The following CCDC60 variants were observed in gnomAD, a reference collection of about 807,000 sequenced individuals.
The protein encoded by CCDC60 is coiled-coil domain containing 60.
Under a neutral mutation model 63.5 loss-of-function variants are expected in CCDC60, and 54 were observed. That is an observed-to-expected ratio of 0.85 (90% CI 0.68 to 1.07). CCDC60 has a LOEUF of 1.07. Ranked by LOEUF, CCDC60 falls within the 50% of genes least tolerant of loss-of-function variation. The pLI, the probability that CCDC60 is intolerant of heterozygous loss-of-function variation, is 0.00. For missense variants in CCDC60, 651 were observed against 684.3 expected (o/e 0.95, Z 0.54); for synonymous variants, 206 against 238.8 (o/e 0.86, Z 1.27).
At chr12:119,483,544 G>A (rs1302806769) in intron 4 of CCDC60, among the ~76,000 whole-genome samples, 1 of 152,218 alleles carries the variant, frequency 6.6e-6, no homozygotes, top group Admixed American at 6.5e-5. Flanking sequence ...CAAGGGCAAT[G>A]CCTGCAACCT....
chr12:119,503,202 G>A (rs1044755674), intron 6 of CCDC60, among the ~76,000 whole-genome samples: 8 of 152,096 alleles, frequency 5.3e-5, no homozygotes, highest in Non-Finnish European at 1.2e-4. Flanking sequence ...AAAAAATTAC[G>A]TTGATCTGAA....
chr12:119,417,832 C>T (rs1280417645), intron 1 of CCDC60, among the ~76,000 whole-genome samples: 2 of 152,196 alleles, frequency 1.3e-5, no homozygotes, highest in Non-Finnish European at 2.9e-5. Flanking sequence ...CAACTTCATC[C>T]AAGCTCCCAC....
At chr12:119,407,765 G>A (rs898001814) in intron 1 of CCDC60, among the ~76,000 whole-genome samples, 1 of 152,100 alleles carries the variant, frequency 6.6e-6, no homozygotes, top group East Asian at 1.9e-4. Flanking sequence ...CCCATAAAAT[G>A]GGCACTCCAG....
At chr12:119,533,643 C>G (rs896242619) in intron 13 of CCDC60, among the ~76,000 whole-genome samples, 1 of 152,216 alleles carries the variant, frequency 6.6e-6, no homozygotes, top group Non-Finnish European at 1.5e-5. Context: ...ATAAGACTAG[C>G]CAGTTTTCCC....
intron 8 of CCDC60, among the ~76,000 whole-genome samples, chr12:119,519,327 G>A (rs2136483534): frequency 6.6e-6 from 1 of 151,952 alleles, no homozygotes. Flanking sequence ...TAGGATACTT[G>A]TGAAAAATAC....
chr12:119,430,173 TACACACAC>T (rs36071467), intron 2 of CCDC60, among the ~76,000 whole-genome samples: 1,584 of 149,804 alleles, frequency 0.011, 38 homozygotes, highest in African/African-American at 0.034. Flanking sequence ...CTGCCACACA[TACACACAC>T]ACACACACAC....
rs75504257 is a variant in CCDC60, at chr12:119,463,419, C to T, written c.171-8575C>T. Among the ~76,000 whole-genome samples the T allele has an allele frequency of 2.0e-5, 3 of 152,360 alleles. No homozygotes were observed. The East Asian group carries it at 5.8e-4, about 29-fold the overall frequency. ...ACAGCTGAGCTCTACAGTGAACTCA[C>T]CACTTGGGTTCAGACCTCAGCTCTG... On this transcript the variant is annotated intron_variant, in intron 2 of 13. Coordinates refer to ENST00000327554, the MANE Select transcript of CCDC60 (RefSeq NM_178499.5).
intron 4 of CCDC60, among the ~76,000 whole-genome samples, chr12:119,488,455 AG>A (rs1951508739): frequency 6.6e-6 from 1 of 152,130 alleles, no homozygotes; most frequent in South Asian, 2.1e-4. Context: ...ACAAATTCTC[AG>A]TAACTGGCAT....
At chr12:119,360,359 TCCCGGACGGGGCGGC>T (rs1955768701) in intron 1 of CCDC60, among the ~76,000 whole-genome samples, 3 of 84,614 alleles carry the variant, frequency 3.5e-5, no homozygotes, top group Non-Finnish European at 6.4e-5. Flanking sequence ...CCCACCTCCC[TCCCGGACGGGGCGGC>T]TGGCCGGGCG....
At chr12:119,427,098 G>A (rs1956915237) in intron 1 of CCDC60, among the ~76,000 whole-genome samples, 1 of 151,704 alleles carries the variant, frequency 6.6e-6, no homozygotes, top group Admixed American at 6.6e-5. Context: ...ATTTCACTTT[G>A]CTGTTTACTT....
chr12:119,537,763 T>C (rs1953046213), intron 13 of CCDC60, among the ~76,000 whole-genome samples: 1 of 152,186 alleles, frequency 6.6e-6, no homozygotes, highest in Non-Finnish European at 1.5e-5. Flanking sequence ...CAGCAAATAT[T>C]GCTGCTAGAT....
chr12:119,469,135 A>G (rs897251275), intron 2 of CCDC60, among the ~76,000 whole-genome samples: 4 of 152,164 alleles, frequency 2.6e-5, no homozygotes, highest in African/African-American at 9.7e-5. Flanking sequence ...TTCCACTCAG[A>G]GTCAACAATG....
intron 1 of CCDC60, among the ~76,000 whole-genome samples, chr12:119,346,319 T>C (rs12370130): frequency 0.15 from 22,973 of 152,032 alleles, 2,032 homozygotes; most frequent in South Asian, 0.35. Flanking sequence ...TTCAATCCAG[T>C]GTGGCAGGTG....
chr12:119,367,902 G>GT (rs34577765), intron 1 of CCDC60, among the ~76,000 whole-genome samples: 32,304 of 146,848 alleles, frequency 0.22, 4,269 homozygotes, highest in Middle Eastern at 0.35. Flanking sequence ...ATATAAAGGG[G>GT]TTTTTTTTTT....
chr12:119,511,431 C>G (rs1952212324), intron 7 of CCDC60, among the ~76,000 whole-genome samples: 1 of 152,156 alleles, frequency 6.6e-6, no homozygotes, highest in Admixed American at 6.5e-5. Context: ...AAACAAAAGC[C>G]CAGGCTACTC....
At chr12:119,513,300 C>T (rs1049318798) in intron 7 of CCDC60, among the ~76,000 whole-genome samples, 2 of 152,132 alleles carry the variant, frequency 1.3e-5, no homozygotes, top group Admixed American at 1.3e-4. Context: ...TCAGTGTGTG[C>T]GTTTCCTACA....
chr12:119,511,560 C>G (rs1296957305), intron 7 of CCDC60, among the ~76,000 whole-genome samples: 2 of 152,096 alleles, frequency 1.3e-5, no homozygotes, highest in East Asian at 3.9e-4. Context: ...CAGCCCCGTA[C>G]AACAAAAAGA....
At chr12:119,500,738 C>CA (rs1951832765) in intron 6 of CCDC60, among the ~76,000 whole-genome samples, 1 of 152,062 alleles carries the variant, frequency 6.6e-6, no homozygotes, top group Non-Finnish European at 1.5e-5. Flanking sequence ...CCTGTAGTCC[C>CA]AGGTATTAGG....
chr12:119,510,509 A>G (rs1376433820), intron 7 of CCDC60, among the ~76,000 whole-genome samples: 1 of 152,084 alleles, frequency 6.6e-6, no homozygotes, highest in Admixed American at 6.5e-5. Flanking sequence ...ATTTGCTTTT[A>G]TTGAATTATT....
Sources: allele counts gnomAD v4.1 joint callset (sites outside exome capture counted in the v4.1 genomes callset), GRCh38; gene constraint gnomAD v4.1.1; transcripts MANE v1.5; gene names NCBI Gene and HGNC (gene_info 2026-07-23, HGNC 2026-07-21).